The following LHFPL3 variants were observed in gnomAD, a reference collection of about 807,000 sequenced individuals.
LHFPL3 encodes LHFPL tetraspan subfamily member 3, also known as LHFPL tetraspan subfamily member 3 protein.
Under a neutral mutation model 19.3 loss-of-function variants are expected in LHFPL3, and 5 were observed. The ratio of observed to expected loss-of-function variants is 0.26; its 90% CI spans 0.14 to 0.54. The LOEUF is 0.54. Ranked by LOEUF, LHFPL3 falls within the 20% of genes least tolerant of loss-of-function variation. The probability of loss-of-function intolerance (pLI) is 0.94; values close to 1 mark genes in which losing one functional copy is unlikely to be tolerated. For synonymous variants in LHFPL3, 133 were observed against 126.2 expected (o/e 1.05, Z -0.36); for missense variants, 249 against 307.4 (o/e 0.81, Z 1.42).
chr7:104,568,306 T>C (rs1427826175), intron 1 of LHFPL3, among the ~76,000 whole-genome samples: 1 of 152,246 alleles, frequency 6.6e-6, no homozygotes, highest in Non-Finnish European at 1.5e-5. Context: ...CTTTTCATCT[T>C]GTGCTAAAGG....
chr7:104,695,089 C>T (rs1792974604), intron 1 of LHFPL3, among the ~76,000 whole-genome samples: 2 of 151,892 alleles, frequency 1.3e-5, no homozygotes, highest in Admixed American at 1.3e-4. Flanking sequence ...GATTCCTTTT[C>T]CTAATTAGGA....
chr7:104,473,846 A>G (rs531279231), intron 1 of LHFPL3, among the ~76,000 whole-genome samples: 28 of 152,238 alleles, frequency 1.8e-4, no homozygotes, highest in Admixed American at 5.9e-4. Flanking sequence ...ATATCCCTTG[A>G]TATTCCCTCT....
At chr7:104,378,215 C>T (rs747645292) in intron 1 of LHFPL3, among the ~76,000 whole-genome samples, 6 of 152,192 alleles carry the variant, frequency 3.9e-5, no homozygotes, top group Non-Finnish European at 5.9e-5. Context: ...CACTTCCCTC[C>T]TGCCTTTTTG....
intron 2 of LHFPL3, among the ~76,000 whole-genome samples, chr7:104,775,151 G>A (rs928842685): frequency 2.0e-5 from 3 of 152,154 alleles, no homozygotes; most frequent in Non-Finnish European, 1.5e-5. Context: ...TAGCACTTTG[G>A]GAGGCCAAGG....
intron 1 of LHFPL3, among the ~76,000 whole-genome samples, chr7:104,387,730 T>C (rs970928133): frequency 6.6e-6 from 1 of 152,146 alleles, no homozygotes; most frequent in African/African-American, 2.4e-5. Flanking sequence ...GACCTCCAAG[T>C]AGGATAAACT....
intron 1 of LHFPL3, among the ~76,000 whole-genome samples, chr7:104,495,452 C>T (rs888841977): frequency 6.6e-6 from 1 of 152,168 alleles, no homozygotes; most frequent in Non-Finnish European, 1.5e-5. Flanking sequence ...GGCACAATCT[C>T]AGCTCACTGC....
chr7:104,584,315 G>C lies in LHFPL3; in HGVS notation c.446-152360G>C, dbSNP rs552441681. ...ACACACTAGGGACTGTTGTGGGGTGGGGGGAGAGGGGAGGGATAGCATTAG... is the reference window on the plus strand; with the variant it reads ...ACACACTAGGGACTGTTGTGGGGTGCGGGGAGAGGGGAGGGATAGCATTAG... On this transcript the variant is annotated intron_variant, in intron 1 of 2. Transcript: ENST00000424859. Among the ~76,000 whole-genome samples, 241 of 152,088 alleles carry C rather than the reference G, an allele frequency of 1.6e-3. 2 individuals are homozygous for C. The highest frequency in any genetic ancestry group is 5.1e-3 in the African/African-American group (210 of 41,486).
At chr7:104,565,237 A>T (rs773730767) in intron 1 of LHFPL3, among the ~76,000 whole-genome samples, 2 of 152,242 alleles carry the variant, frequency 1.3e-5, no homozygotes. Flanking sequence ...AGATAACTTT[A>T]TTCAGCTCTG....
At chr7:104,334,482 G>A (rs983255186) in intron 1 of LHFPL3, among the ~76,000 whole-genome samples, 10 of 152,228 alleles carry the variant, frequency 6.6e-5, no homozygotes, top group Admixed American at 6.5e-4. Flanking sequence ...GCAAGGCGGA[G>A]GTTACACTGA....
At chr7:104,782,784 C>G (rs983865106) in intron 2 of LHFPL3, among the ~76,000 whole-genome samples, 1 of 152,252 alleles carries the variant, frequency 6.6e-6, no homozygotes, top group African/African-American at 2.4e-5. Context: ...TCACCTCTCA[C>G]CACATCTTTC....
intron 2 of LHFPL3, chr7:104,802,986 A>T (rs1790285202): frequency 1.3e-5 from 2 of 152,082 alleles, no homozygotes; most frequent in Admixed American, 6.6e-5. Flanking sequence ...GGATATTGAA[A>T]CTCCAAAGCT....
chr7:104,523,772 A>G (rs1045279763), intron 1 of LHFPL3, among the ~76,000 whole-genome samples: 1 of 152,228 alleles, frequency 6.6e-6, no homozygotes, highest in Non-Finnish European at 1.5e-5. Flanking sequence ...AAGGAAATCC[A>G]GGTTCTTGTT....
chr7:104,509,542 G>A (rs1793769719), intron 1 of LHFPL3, among the ~76,000 whole-genome samples: 1 of 151,696 alleles, frequency 6.6e-6, no homozygotes, highest in African/African-American at 2.4e-5. Flanking sequence ...CCCATTCATG[G>A]TCTAAAAAAA....
intron 2 of LHFPL3, among the ~76,000 whole-genome samples, chr7:104,809,498 A>G (rs937292869): frequency 3.9e-5 from 6 of 152,232 alleles, no homozygotes; most frequent in African/African-American, 1.4e-4. Context: ...ATTAGGAAAA[A>G]TCCCAAAGCC....
chr7:104,841,472 G>A (rs1278894913), intron 2 of LHFPL3, among the ~76,000 whole-genome samples: 1 of 146,960 alleles, frequency 6.8e-6, no homozygotes, highest in African/African-American at 2.5e-5. Context: ...AAGCCAATAT[G>A]TATTACGATG....
At chr7:104,602,092 T>G (rs1195351027) in intron 1 of LHFPL3, among the ~76,000 whole-genome samples, 1 of 133,734 alleles carries the variant, frequency 7.5e-6, no homozygotes, top group Admixed American at 8.6e-5. Flanking sequence ...ATTATCTCAG[T>G]TCACTGCAAC....
intron 1 of LHFPL3, among the ~76,000 whole-genome samples, chr7:104,541,905 T>C (rs890668503): frequency 2.0e-5 from 3 of 151,790 alleles, no homozygotes; most frequent in African/African-American, 7.3e-5. Flanking sequence ...CTAACAATGA[T>C]AGGTCATTAA....
intron 1 of LHFPL3, among the ~76,000 whole-genome samples, chr7:104,725,536 T>C (rs1355783198): frequency 3.9e-5 from 6 of 152,218 alleles, no homozygotes; most frequent in Non-Finnish European, 8.8e-5. Context: ...ATATTCCAAG[T>C]AATCCTGAGA....
chr7:104,781,405 G>T (rs1359093388), intron 2 of LHFPL3, among the ~76,000 whole-genome samples: 1 of 151,834 alleles, frequency 6.6e-6, no homozygotes, highest in African/African-American at 2.4e-5. Context: ...GTGGAAGAGG[G>T]GTCCCTCCTT....
Sources: allele counts gnomAD v4.1 joint callset (sites outside exome capture counted in the v4.1 genomes callset), GRCh38; gene constraint gnomAD v4.1.1; transcripts MANE v1.5; gene names NCBI Gene and HGNC (gene_info 2026-07-23, HGNC 2026-07-21).